GLI2: variants seen among roughly 807,000 people sequenced by gnomAD.
The protein encoded by GLI2 is GLI family zinc finger 2.
Under a neutral mutation model 78.9 loss-of-function variants are expected in GLI2, and 22 were observed. That is an observed-to-expected ratio of 0.28 (90% confidence interval 0.20 to 0.40). The LOEUF (loss-of-function observed/expected upper bound fraction) is 0.40. GLI2 is among the 10% of genes least tolerant of loss of function. The pLI is 1.00. For synonymous variants in GLI2, 974 were observed against 963.7 expected (o/e 1.01, Z -0.20); for missense variants, 2,097 against 2,213.2 (o/e 0.95, Z 1.05).
chr2:120,843,710 A>C (rs1310874542), intron 2 of GLI2, among the ~76,000 whole-genome samples: 1 of 152,134 alleles, frequency 6.6e-6, no homozygotes, highest in Non-Finnish European at 1.5e-5. Flanking sequence ...TCTGTCTCCC[A>C]GGCTGGAGTG....
At chr2:120,747,072 G>A (rs888715619) in intron 1 of GLI2, among the ~76,000 whole-genome samples, 5 of 152,042 alleles carry the variant, frequency 3.3e-5, no homozygotes, top group Non-Finnish European at 7.4e-5. Context: ...TCCTTGTGTC[G>A]GAATGTTTAC....
chr2:120,908,365 G>A (rs113875392), intron 2 of GLI2, among the ~76,000 whole-genome samples: 9,595 of 152,220 alleles, frequency 0.063, 461 homozygotes, highest in African/African-American at 0.14. Context: ...TGGCATCCTC[G>A]CCTCCCCTCT....
chr2:120,906,896 C>T (rs1463465853), intron 2 of GLI2, among the ~76,000 whole-genome samples: 1 of 152,174 alleles, frequency 6.6e-6, no homozygotes. Flanking sequence ...TCCCTCCTTG[C>T]CGCCTCTGCC....
At chr2:120,863,309 G>A (rs141763366) in intron 2 of GLI2, among the ~76,000 whole-genome samples, 22 of 152,312 alleles carry the variant, frequency 1.4e-4, no homozygotes, top group East Asian at 7.7e-4. Flanking sequence ...GCCAGTGCCC[G>A]TGTTGCCCCT....
At chr2:120,749,783 G>A (rs1334527390) in intron 1 of GLI2, among the ~76,000 whole-genome samples, 2 of 152,188 alleles carry the variant, frequency 1.3e-5, no homozygotes, top group Non-Finnish European at 2.9e-5. Flanking sequence ...GTAGTCCCTC[G>A]GGAAGTGCAC....
chr2:120,984,304 T>C (rs1682863014), intron 11 of GLI2, among the ~76,000 whole-genome samples, 167 bp from the exon 12 acceptor site: 1 of 152,142 alleles, frequency 6.6e-6, no homozygotes, highest in Non-Finnish European at 1.5e-5. Flanking sequence ...GGCTCCTGCA[T>C]GGTGCCATCC....
At chr2:120,751,665 GTAA>G (rs1682878055) in intron 1 of GLI2, among the ~76,000 whole-genome samples, 1 of 152,134 alleles carries the variant, frequency 6.6e-6, no homozygotes, top group Non-Finnish European at 1.5e-5. Flanking sequence ...TTCTCTGTGG[GTAA>G]TGCCCTAGCA....
chr2:120,966,540 C>T (rs543335128), intron 5 of GLI2, among the ~76,000 whole-genome samples: 3 of 152,318 alleles, frequency 2.0e-5, no homozygotes, highest in South Asian at 2.1e-4. Flanking sequence ...CCTGGAAGCC[C>T]CTTTCGGCCC....
At chr2:120,845,571 G>A (rs1687077068) in intron 2 of GLI2, among the ~76,000 whole-genome samples, 1 of 152,114 alleles carries the variant, frequency 6.6e-6, no homozygotes, top group Non-Finnish European at 1.5e-5. Context: ...GGTGGCCTGG[G>A]GACTGGAGAG....
chr2:120,783,511 CT>C (rs1057453303), intron 1 of GLI2, among the ~76,000 whole-genome samples: 3 of 151,860 alleles, frequency 2.0e-5, no homozygotes, highest in African/African-American at 7.3e-5. Context: ...ACAAAAGAGG[CT>C]TGATTGATTG....
chr2:120,905,007 G>T (rs940423174), intron 2 of GLI2, among the ~76,000 whole-genome samples: 12 of 152,212 alleles, frequency 7.9e-5, no homozygotes, highest in Non-Finnish European at 1.5e-4. Context: ...GATTGAAAAA[G>T]GCTTTTTGCA....
intron 2 of GLI2, among the ~76,000 whole-genome samples, chr2:120,874,535 C>T (rs1688633414): frequency 1.3e-5 from 2 of 152,192 alleles, no homozygotes; most frequent in Admixed American, 1.3e-4. Flanking sequence ...TGGAAGCGGG[C>T]CTTGCTCCTG....
At chr2:120,841,453 A>T (rs559024525) in intron 2 of GLI2, among the ~76,000 whole-genome samples, 1 of 152,150 alleles carries the variant, frequency 6.6e-6, no homozygotes, top group Non-Finnish European at 1.5e-5. Flanking sequence ...AGGACACTTG[A>T]CCATTTTGTG....
chr2:120,935,821 G>A (rs770310306), intron 3 of GLI2, among the ~76,000 whole-genome samples: 12 of 152,220 alleles, frequency 7.9e-5, no homozygotes, highest in Non-Finnish European at 2.9e-5. Context: ...ATGGAATCTG[G>A]CCTGTAAAAG....
chr2:120,948,876 G>T (rs1298739360), intron 3 of GLI2, among the ~76,000 whole-genome samples: 2 of 152,162 alleles, frequency 1.3e-5, no homozygotes, highest in Non-Finnish European at 2.9e-5. Context: ...CTGGGAACCT[G>T]CCGTGCCTGG....
chr2:120,862,069 C>T (rs1687928457), intron 2 of GLI2, among the ~76,000 whole-genome samples: 1 of 152,212 alleles, frequency 6.6e-6, no homozygotes. Flanking sequence ...TTTTCTTCCT[C>T]TTTCTTCCTG....
chr2:120,878,615 C>T (rs954978116), intron 2 of GLI2, among the ~76,000 whole-genome samples: 9 of 152,192 alleles, frequency 5.9e-5, no homozygotes, highest in African/African-American at 2.2e-4. Flanking sequence ...AAAGAAAAAA[C>T]ACACTTGGTC....
chr2:120,911,190 A>G (rs1428614366), intron 2 of GLI2, among the ~76,000 whole-genome samples: 1 of 152,224 alleles, frequency 6.6e-6, no homozygotes, highest in African/African-American at 2.4e-5. Flanking sequence ...CTGGAATTTC[A>G]GAGAAATGGG....
intron 2 of GLI2, among the ~76,000 whole-genome samples, chr2:120,872,754 C>A (rs1438220328): frequency 6.6e-6 from 1 of 152,206 alleles, no homozygotes; most frequent in Non-Finnish European, 1.5e-5. Flanking sequence ...GGCTGATAAT[C>A]CATAGGTATT....
Sources: allele counts gnomAD v4.1 joint callset (sites outside exome capture counted in the v4.1 genomes callset), GRCh38; gene constraint gnomAD v4.1.1; transcripts MANE v1.5; gene names NCBI Gene and HGNC (gene_info 2026-07-23, HGNC 2026-07-21).